Variants in SLMAP observed in about 807,000 individuals in gnomAD.
SLMAP encodes sarcolemma associated protein, also known as sarcolemmal membrane-associated protein.
A neutral mutation model predicts 128.8 loss-of-function variants in SLMAP; 44 were observed. The ratio of observed to expected loss-of-function variants is 0.34; its 90% CI spans 0.27 to 0.44. The LOEUF is 0.44. SLMAP is among the 20% of genes least tolerant of loss of function. The pLI is 1.00. For missense variants in SLMAP, 787 were observed against 985.3 expected (o/e 0.80, Z 2.69); for synonymous variants, 327 against 348.8 (o/e 0.94, Z 0.70).
chr3:57,791,692 T>G (rs982262173), intron 2 of SLMAP, among the ~76,000 whole-genome samples: 1 of 152,200 alleles, frequency 6.6e-6, no homozygotes, highest in African/African-American at 2.4e-5. Flanking sequence ...GCTTTTTTTT[T>G]GCATAGCATC....
At chr3:57,794,525 A>G (rs905415187) in intron 2 of SLMAP, among the ~76,000 whole-genome samples, 1 of 152,168 alleles carries the variant, frequency 6.6e-6, no homozygotes, top group African/African-American at 2.4e-5. Flanking sequence ...TATTACCGCT[A>G]CCTAATTCTA....
At chr3:57,879,352 A>G (rs908168138) in intron 14 of SLMAP, among the ~76,000 whole-genome samples, 1 of 152,218 alleles carries the variant, frequency 6.6e-6, no homozygotes, top group Non-Finnish European at 1.5e-5. Flanking sequence ...TGTCAAACAT[A>G]TTATACTCTC....
intron 6 of SLMAP, among the ~76,000 whole-genome samples, chr3:57,855,819 G>A (rs1190175505): frequency 1.3e-5 from 2 of 151,844 alleles, no homozygotes; most frequent in South Asian, 2.1e-4. Flanking sequence ...CAAGGCGGGC[G>A]GATCACTTGA....
intron 13 of SLMAP, 76 bp downstream of exon 13, chr3:57,865,368 G>A: frequency 1.7e-6 from 1 of 586,510 alleles, no homozygotes; most frequent in Non-Finnish European, 2.8e-6. Context: ...AGGAGTTCAG[G>A]GTTTTAAGTG....
intron 14 of SLMAP, among the ~76,000 whole-genome samples, chr3:57,885,009 C>CA (rs2095842329): frequency 6.7e-6 from 1 of 148,342 alleles, no homozygotes; most frequent in Admixed American, 6.7e-5. Flanking sequence ...AAAAAACAAA[C>CA]AAAAAAACAC....
chr3:57,881,289 TATC>T (rs139882958), intron 14 of SLMAP, among the ~76,000 whole-genome samples: 2,531 of 152,228 alleles, frequency 0.017, 62 homozygotes, highest in African/African-American at 0.058. Flanking sequence ...GACCTGCAGT[TATC>T]ATGACAGGAA....
chr3:57,852,255 C>T (rs1274371053), intron 6 of SLMAP, among the ~76,000 whole-genome samples: 1 of 152,152 alleles, frequency 6.6e-6, no homozygotes, highest in Non-Finnish European at 1.5e-5. Context: ...ACAGTTTCAT[C>T]TTAGTTAAGA....
chr3:57,913,359 T>C, intron 21 of SLMAP, 84 bp downstream of exon 21: 1 of 633,170 alleles, frequency 1.6e-6, no homozygotes, highest in Non-Finnish European at 2.7e-6. Flanking sequence ...TTTTAATACT[T>C]AAATATTTTA....
At chr3:57,860,666 CTT>C (rs2095007101) in intron 8 of SLMAP, 31 bp from the exon 9 acceptor site, 2 of 1,441,692 alleles carry the variant, frequency 1.4e-6, no homozygotes, top group East Asian at 2.6e-5. Context: ...TAAAAAATAA[CTT>C]GTCTATAATT....
chr3:57,921,228 AGGCAGAT>A (rs2096911693), intron 22 of SLMAP, among the ~76,000 whole-genome samples: 1 of 152,220 alleles, frequency 6.6e-6, no homozygotes, highest in South Asian at 2.1e-4. Context: ...CACCTTTAAA[AGGCAGAT>A]GGTCTTTAAA....
At chr3:57,892,583 T>C (rs2096109186) in intron 15 of SLMAP, among the ~76,000 whole-genome samples, 1 of 152,144 alleles carries the variant, frequency 6.6e-6, no homozygotes, top group Non-Finnish European at 1.5e-5. Flanking sequence ...TTGAATAGAT[T>C]TGATTTGCCT....
chr3:57,849,931 T>C (rs1382867879), intron 6 of SLMAP, 115 bp downstream of exon 6: 3 of 688,170 alleles, frequency 4.4e-6, no homozygotes, highest in African/African-American at 3.6e-5. Context: ...CCCAGGACTT[T>C]GGGAGGCCTA....
intron 2 of SLMAP, 68 bp downstream of exon 2, chr3:57,757,917 A>G: frequency 7.3e-7 from 1 of 1,374,858 alleles, no homozygotes; most frequent in Non-Finnish European, 1.0e-6. Context: ...CCTCCCTGAG[A>G]GGACTAATGT....
intron 22 of SLMAP, chr3:57,918,162 A>G (rs1273155263): frequency 1.3e-5 from 2 of 152,192 alleles, no homozygotes; most frequent in South Asian, 2.1e-4. Flanking sequence ...AAGAAATCTC[A>G]TTTTATTTGG....
intron 14 of SLMAP, among the ~76,000 whole-genome samples, chr3:57,878,121 G>A (rs2095647592): frequency 6.6e-6 from 1 of 152,006 alleles, no homozygotes; most frequent in African/African-American, 2.4e-5. Context: ...GGGATTACAG[G>A]CATGAGCCAC....
intron 4 of SLMAP, among the ~76,000 whole-genome samples, chr3:57,842,808 T>C (rs2094003690): frequency 6.6e-6 from 1 of 152,226 alleles, no homozygotes; most frequent in Non-Finnish European, 1.5e-5. Flanking sequence ...AATATAGTTA[T>C]ACATAATCTA....
At chr3:57,771,758 C>T (rs1576231986) in intron 2 of SLMAP, among the ~76,000 whole-genome samples, 1 of 152,186 alleles carries the variant, frequency 6.6e-6, no homozygotes, top group Non-Finnish European at 1.5e-5. Context: ...TTTTGAGTTC[C>T]CTAAACTAAG....
rs866234330 is a variant in SLMAP, at chr3:57,864,856, G to A, written c.1185G>A (p.Leu395=). 1.3e-6 allele frequency: 2 copies of A among 1,568,734 alleles called. No homozygotes were observed. Among genetic ancestry groups the A allele is most frequent in the Admixed American group, 1.9e-5 (1 of 53,124 alleles). Residue 395 remains leucine, a splice_region_variant and synonymous_variant, in exon 12 of 25, where the codon TTG becomes TTA. Transcript: ENST00000671191. ...QEKTLKECSS[L]GIQVDDFLPK... Reference sequence around the variant, plus strand: ...AAACTCTTAAAGAATGCAGCAGCTTGGGTAGGTGGCATCCATATTTCTTAC... The same window carrying A: ...AAACTCTTAAAGAATGCAGCAGCTTAGGTAGGTGGCATCCATATTTCTTAC...
chr3:57,758,325 T>C (rs1324326541), intron 2 of SLMAP, among the ~76,000 whole-genome samples: 1 of 152,226 alleles, frequency 6.6e-6, no homozygotes, highest in Non-Finnish European at 1.5e-5. Context: ...GTAAGGATAA[T>C]TGCTGATATA....
Sources: gnomAD v4.1 joint callset for allele counts (sites outside exome capture counted in the v4.1 genomes callset) on GRCh38, gnomAD v4.1.1 for gene constraint, MANE v1.5 for transcripts, NCBI Gene and HGNC (gene_info 2026-07-23, HGNC 2026-07-21) for gene names.